The following SLC9A8 variants were observed in gnomAD, a reference collection of about 807,000 sequenced individuals.
SLC9A8 encodes solute carrier family 9 member A8, also known as sodium/hydrogen exchanger 8.
A neutral mutation model predicts 66.6 loss-of-function variants in SLC9A8; 48 were observed. The observed-to-expected ratio is 0.72, with a 90% confidence interval of 0.57 to 0.92. The LOEUF (loss-of-function observed/expected upper bound fraction) is 0.92, where lower values mean the gene tolerates loss of function less well. Among genes scored for constraint, SLC9A8 ranks in the 40% least tolerant of loss-of-function variants. The pLI is 0.00. For synonymous variants in SLC9A8, 274 were observed against 282.6 expected, an observed-to-expected ratio of 0.97 and a Z score of 0.31; for missense variants, 599 against 747.3, an observed-to-expected ratio of 0.80 and a Z score of 2.31.
At chr20:49,884,334 A>ACACACACACACACCCACC (rs1568884594) in intron 14 of SLC9A8, among the ~76,000 whole-genome samples, 2 of 124,376 alleles carry the variant, frequency 1.6e-5, no homozygotes, top group Non-Finnish European at 3.3e-5. Flanking sequence ...ACACACACAC[A>ACACACACACACACCCACC]CACCCCCCGG....
rs752436892 is a variant in SLC9A8 at position 49,863,023 on chromosome 20, G to A, written c.808G>A (p.Gly270Ser). ...TGACTACTTCCTCAAAATGTTCTTT[G>A]GCTCTGCAGCGCTCGGCACTCTCAC... ...ALDYFLKMFFGSAALGTLTGL... is the reference protein window; with the variant it reads ...ALDYFLKMFFSSAALGTLTGL... Residue 270 changes from glycine to serine, a missense_variant, in exon 9 of 16, where the codon GGC becomes AGC. Coordinates refer to ENST00000361573, the MANE Select transcript of SLC9A8 (RefSeq NM_015266.3). 6 of 1,613,816 alleles carry A rather than the reference G, an allele frequency of 3.7e-6. No homozygotes were observed. The highest frequency in any genetic ancestry group is 1.6e-4 in the Middle Eastern group (1 of 6,084).
chr20:49,835,806 C>G (rs2087511866), intron 3 of SLC9A8, among the ~76,000 whole-genome samples: 1 of 150,756 alleles, frequency 6.6e-6, no homozygotes, highest in Admixed American at 6.6e-5. Context: ...CTGCCTCAGC[C>G]TCCCCAGTAG....
At chr20:49,816,819 C>A (rs374502682) in intron 2 of SLC9A8, among the ~76,000 whole-genome samples, 1 of 151,990 alleles carries the variant, frequency 6.6e-6, no homozygotes, top group East Asian at 2.0e-4. Flanking sequence ...AGCTCTGCCT[C>A]CCGGGTTCAC....
chr20:49,832,122 T>C (rs6020074), intron 3 of SLC9A8, among the ~76,000 whole-genome samples: 100,551 of 152,094 alleles, frequency 0.66, 34,287 homozygotes, highest in African/African-American at 0.82. Flanking sequence ...GCCAAGCCCC[T>C]TGCATGCCCA....
Position 49,887,960 on chromosome 20 carries a change from A to T in SLC9A8, c.*24A>T, listed in dbSNP as rs753816467. 12 of 1,583,066 alleles carry T rather than the reference A, an allele frequency of 7.6e-6. No homozygotes were observed. The highest frequency in any genetic ancestry group is 1.7e-4 in the Middle Eastern group (1 of 6,008). On this transcript the variant is annotated 3_prime_UTR_variant, in exon 16 of 16. Coordinates refer to ENST00000361573, the MANE Select transcript of SLC9A8 (RefSeq NM_015266.3). The stretch of plus-strand genomic sequence containing the variant: ...GACGCCAGGTGCCAAGGCTTCAGGC[A>T]GGCAGGCCCAGGATGGGCGTTTGCT...
chr20:49,871,501 C>A (rs1175211493), intron 10 of SLC9A8, among the ~76,000 whole-genome samples: 2 of 152,178 alleles, frequency 1.3e-5, no homozygotes, highest in Non-Finnish European at 2.9e-5. Context: ...AATACCATGC[C>A]TTTTACCTCA....
intron 3 of SLC9A8, among the ~76,000 whole-genome samples, chr20:49,831,419 CTCTCTCTCTCTCTG>C (rs1448821732): frequency 2.0e-5 from 3 of 151,038 alleles, no homozygotes; most frequent in Non-Finnish European, 2.9e-5. Flanking sequence ...CTCTCTCTCT[CTCTCTCTCTCTCTG>C]TCTCTCTCTC....
intron 13 of SLC9A8, among the ~76,000 whole-genome samples, chr20:49,882,484 C>T (rs1333435327): frequency 2.0e-5 from 3 of 152,230 alleles, no homozygotes; most frequent in East Asian, 1.9e-4. Flanking sequence ...CAAATAGTGG[C>T]TTCTTCAGGA....
chr20:49,865,362 G>T (rs1017898086), intron 10 of SLC9A8, among the ~76,000 whole-genome samples: 5 of 152,170 alleles, frequency 3.3e-5, no homozygotes, highest in African/African-American at 9.7e-5. Flanking sequence ...AGCAAAGTGT[G>T]GTGGTGGCGT....
chr20:49,881,691 A>T (rs976920746), intron 13 of SLC9A8, among the ~76,000 whole-genome samples: 2 of 152,192 alleles, frequency 1.3e-5, no homozygotes, highest in Non-Finnish European at 2.9e-5. Context: ...ATCCAAAGGC[A>T]TATCTGCAAG....
At chr20:49,880,440 T>C (rs2089584506) in intron 12 of SLC9A8, among the ~76,000 whole-genome samples, 1 of 152,162 alleles carries the variant, frequency 6.6e-6, no homozygotes, top group Non-Finnish European at 1.5e-5. Context: ...GAGCAGTGTT[T>C]CCATGCATGG....
chr20:49,845,522 C>T (rs1031965976), intron 5 of SLC9A8, among the ~76,000 whole-genome samples: 1 of 152,188 alleles, frequency 6.6e-6, no homozygotes, highest in African/African-American at 2.4e-5. Flanking sequence ...TTCAGCTCCC[C>T]CACTGGGGCC....
chr20:49,837,056 C>G (rs1418978462), intron 3 of SLC9A8, among the ~76,000 whole-genome samples: 1 of 152,196 alleles, frequency 6.6e-6, no homozygotes, highest in East Asian at 1.9e-4. Flanking sequence ...GGACAGAACT[C>G]AAAGTCACCC....
Position 49,843,006 on chromosome 20 carries a change from TC to T in SLC9A8, c.349-2029del, listed in dbSNP as rs575269159. ...TGTGCCTTGTTCTGTCTCTTACAAG[TC>T]GATGTTTGCTGCCTTTGGCCTTCCC... On this transcript the variant is annotated intron_variant, in intron 4 of 15. Transcript: ENST00000361573. Among the ~76,000 whole-genome samples, 7 of 152,306 alleles carry T rather than the reference TC, an allele frequency of 4.6e-5. No individual in the cohort carries two copies. The South Asian group carries it at 1.5e-3, about 32-fold the overall frequency.
chr20:49,830,506 C>T lies in SLC9A8; in HGVS notation c.289+7365C>T. ...CCTGGAAAGTGCTACGTGGACATGT[C>T]AACGGTGGACGCTGACATAGTCACT... is the stretch of plus-strand genomic sequence containing the variant. On this transcript the variant is annotated intron_variant, in intron 3 of 15. Transcript: ENST00000361573. 2.7e-6 allele frequency: 2 copies of T among 739,718 alleles called. 1 individual carries two copies. The highest frequency in any genetic ancestry group is 3.1e-5 in the South Asian group (2 of 64,376). The allele number at this position is 739,718 out of a possible 1,614,324, so 45.8% of individuals were successfully genotyped here. A position where few individuals can be genotyped will look rare whatever the true frequency, so the allele number is the denominator to read the frequency against.
intron 3 of SLC9A8, among the ~76,000 whole-genome samples, chr20:49,823,373 C>T (rs1310859284): frequency 6.6e-6 from 1 of 152,166 alleles, no homozygotes; most frequent in Non-Finnish European, 1.5e-5. Flanking sequence ...GGCCATACAG[C>T]TCTGTACAGC....
intron 3 of SLC9A8, chr20:49,830,776 T>C (rs2087144634): frequency 3.6e-6 from 3 of 843,756 alleles, no homozygotes; most frequent in African/African-American, 1.7e-5. Flanking sequence ...TTCATAGCCA[T>C]GATCACTGAG....
At chr20:49,842,154 C>T (rs1253619017) in intron 4 of SLC9A8, among the ~76,000 whole-genome samples, 1 of 151,724 alleles carries the variant, frequency 6.6e-6, no homozygotes, top group Non-Finnish European at 1.5e-5. Flanking sequence ...ACTGCAACCT[C>T]CGCCTCCCAG....
chr20:49,830,693 G>T, intron 3 of SLC9A8: 1 of 675,938 alleles, frequency 1.5e-6, no homozygotes, highest in South Asian at 1.7e-5. Flanking sequence ...CGATAGGGAA[G>T]ACCTCCTCCT....
Sources: gnomAD v4.1 joint callset for allele counts (sites outside exome capture counted in the v4.1 genomes callset) on GRCh38, gnomAD v4.1.1 for gene constraint, MANE v1.5 for transcripts, NCBI Gene and HGNC (gene_info 2026-07-23, HGNC 2026-07-21) for gene names.